The following RP1 variants were observed in gnomAD, a reference collection of about 807,000 sequenced individuals.
RP1 encodes the protein oxygen-regulated protein 1.
In RP1, 16 loss-of-function variants were observed where a neutral mutation model predicts 14.8. That is an observed-to-expected ratio of 1.08 (90% CI 0.73 to 1.65). The LOEUF (loss-of-function observed/expected upper bound fraction) is 1.65, where lower values mean the gene tolerates loss of function less well. RP1 is among the 40% of genes most tolerant of loss of function. The pLI is 0.00. For missense variants in RP1, 2,631 were observed against 2,535.0 expected (o/e 1.04, Z -0.81); for synonymous variants, 876 against 883.6 (o/e 0.99, Z 0.15).
At chr8:54,783,056 G>C (rs1399496800) in intron 23 of RP1, among the ~76,000 whole-genome samples, 1 of 152,126 alleles carries the variant, frequency 6.6e-6, no homozygotes, top group Non-Finnish European at 1.5e-5. Context: ...TCATGAGAAA[G>C]AAAGTTCTTT....
At chr8:54,667,995 A>G (rs1807056049) in intron 7 of RP1, among the ~76,000 whole-genome samples, 1 of 152,194 alleles carries the variant, frequency 6.6e-6, no homozygotes, top group South Asian at 2.1e-4. Context: ...TTATGAGGCC[A>G]GCGTCATCCT....
chr8:54,628,936 A>G lies in RP1; in HGVS notation c.5054A>G (p.Gln1685Arg), dbSNP rs1276912515. 2 of 1,614,100 alleles carry G rather than the reference A, an allele frequency of 1.2e-6. No homozygotes were observed. Among genetic ancestry groups the G allele is most frequent in the Admixed American group, 3.3e-5 (2 of 60,022 alleles). Residue 1685 changes from glutamine to arginine, a missense_variant, in exon 4 of 4, where the codon CAG becomes CGG. By Grantham distance (43) the Gln-to-Arg change is conservative. Transcript: ENST00000220676. ...GGGCAGTCATTTGGCTCTTCTGAACAGGTATCTAGTAGTTCATCTATGTTG... is the reference window on the plus strand; with the variant it reads ...GGGCAGTCATTTGGCTCTTCTGAACGGGTATCTAGTAGTTCATCTATGTTG... ...SEGQSFGSSE[Q>R]VSSSSSMLQE...
chr8:54,711,989 G>T (rs369253821), intron 15 of RP1, among the ~76,000 whole-genome samples: 1 of 152,164 alleles, frequency 6.6e-6, no homozygotes, highest in Non-Finnish European at 1.5e-5. Flanking sequence ...TGATCTAATG[G>T]TAATGAACTG....
chr8:54,642,398 C>G lies in RP1; in HGVS notation c.788-6587C>G, dbSNP rs561064491. 1.1e-4 allele frequency among the ~76,000 whole-genome samples: 17 copies of G among 152,166 alleles called. No individual in the cohort carries two copies. The South Asian group carries it at 1.5e-3, about 13-fold the overall frequency. ...GCAGGTATTAAATAAACAATGTCTT[C>G]CTTCTCCCATCTCCAACTTCTAAAC... On this transcript the variant is annotated intron_variant, in intron 3 of 22. Coordinates refer to the RP1 transcript ENST00000636932.
intron 23 of RP1, among the ~76,000 whole-genome samples, chr8:54,779,974 C>T (rs1410591917): frequency 2.0e-5 from 3 of 150,946 alleles, no homozygotes; most frequent in Non-Finnish European, 4.4e-5. Flanking sequence ...ATTATCTTTA[C>T]CTTTCAGTGG....
chr8:54,722,464 G>T (rs887368283), intron 16 of RP1, among the ~76,000 whole-genome samples: 7 of 151,940 alleles, frequency 4.6e-5, no homozygotes, highest in Non-Finnish European at 7.4e-5. Context: ...TACAGACGGG[G>T]TTTCACCGTG....
downstream of RP1, among the ~76,000 whole-genome samples, chr8:54,772,761 T>C (rs1809940012): frequency 6.6e-6 from 1 of 152,154 alleles, no homozygotes; most frequent in Non-Finnish European, 1.5e-5. Context: ...GAGGGACTGA[T>C]TTTCACTGCC....
intron 1 of RP1, among the ~76,000 whole-genome samples, chr8:54,601,028 T>C (rs1350275909): frequency 1.3e-5 from 2 of 152,164 alleles, no homozygotes; most frequent in Admixed American, 6.5e-5. Flanking sequence ...GTGAGAGGAA[T>C]AGGGAGACGT....
chr8:54,859,575 T>C (rs1364431252), intron 27 of RP1, among the ~76,000 whole-genome samples: 3 of 150,954 alleles, frequency 2.0e-5, no homozygotes, highest in Non-Finnish European at 3.0e-5. Flanking sequence ...CACTGTAGGG[T>C]AGTGTCACTG....
intron 1 of RP1, among the ~76,000 whole-genome samples, chr8:54,581,620 T>C (rs1342067465): frequency 1.2e-4 from 19 of 152,266 alleles, no homozygotes; most frequent in Non-Finnish European, 4.4e-5. Context: ...ACAGTCCCAG[T>C]AACAGTGTAA....
At chr8:54,793,282 T>C (rs1032973157) in intron 24 of RP1, among the ~76,000 whole-genome samples, 1 of 151,830 alleles carries the variant, frequency 6.6e-6, no homozygotes, top group Non-Finnish European at 1.5e-5. Context: ...CATCTCAAAC[T>C]CTTCTAAAAA....
chr8:54,767,487 G>A (rs1809789841), intron 22 of RP1, among the ~76,000 whole-genome samples: 1 of 151,920 alleles, frequency 6.6e-6, no homozygotes, highest in Non-Finnish European at 1.5e-5. Flanking sequence ...AGCCTCCTGA[G>A]TAGCTGTGAT....
Position 54,852,627 on chromosome 8 carries a change from G to A in RP1, c.3889G>A (p.Glu1297Lys). The change falls in exon 26 of 29, where the codon GAG becomes AAG. Residue 1297 changes from glutamate (E) to lysine (K), a missense_variant. Glu to Lys is a moderately conservative substitution (Grantham distance 56). Transcript: ENST00000637698. ...AGGCACAATGACAGGTGCAGAAACAGAGTCTAATGTATTTATCAACCTCAT... is the reference window on the plus strand; with the variant it reads ...AGGCACAATGACAGGTGCAGAAACAAAGTCTAATGTATTTATCAACCTCAT... 2.4e-6 allele frequency: 3 copies of A among 1,232,002 alleles called. No individual in the cohort carries two copies. In the South Asian group the frequency reaches 1.2e-4, roughly 51 times the overall value. The allele number at this position is 1,232,002 out of a possible 1,614,324, so 76.3% of individuals were successfully genotyped here.
chr8:54,729,672 A>T (rs1202016109), intron 17 of RP1, among the ~76,000 whole-genome samples: 1 of 152,134 alleles, frequency 6.6e-6, no homozygotes, highest in Non-Finnish European at 1.5e-5. Flanking sequence ...TATATTAAAT[A>T]TATCATTTTG....
intron 26 of RP1, among the ~76,000 whole-genome samples, chr8:54,855,752 T>G (rs1442667267): frequency 1.3e-5 from 2 of 152,164 alleles, no homozygotes; most frequent in Non-Finnish European, 2.9e-5. Context: ...TACCCAGCCT[T>G]ATTAATAATC....
At chr8:54,762,133 A>G (rs554615999) in intron 22 of RP1, among the ~76,000 whole-genome samples, 2 of 152,248 alleles carry the variant, frequency 1.3e-5, no homozygotes, top group East Asian at 3.9e-4. Context: ...CACTGTGGCT[A>G]GTTAGTTCTG....
intron 25 of RP1, among the ~76,000 whole-genome samples, chr8:54,844,253 G>C (rs1811861751): frequency 6.6e-6 from 1 of 152,158 alleles, no homozygotes; most frequent in South Asian, 2.1e-4. Context: ...TGAGGACCTA[G>C]ATAAATATTT....
chr8:54,652,437 T>C (rs1386001559), intron 4 of RP1, among the ~76,000 whole-genome samples: 5 of 152,130 alleles, frequency 3.3e-5, no homozygotes, highest in African/African-American at 1.2e-4. Context: ...GGAAAGACTG[T>C]TTTCTGTTGT....
In RP1 at chr8:54,582,840, C is replaced by T. The variant is rs557245368; in HGVS notation, c.-13+23520C>T. Among the ~76,000 whole-genome samples, 284 of 152,252 alleles carry T rather than the reference C, an allele frequency of 1.9e-3. 1 individual carries two copies. The highest frequency in any genetic ancestry group is 6.6e-3 in the African/African-American group (276 of 41,552). Reference sequence around the variant, plus strand: ...TATAGGAATGCTTGTGATTTTTGCACATTGATTTTGTATCCTGAGACTTTG... The same window carrying T: ...TATAGGAATGCTTGTGATTTTTGCATATTGATTTTGTATCCTGAGACTTTG... On this transcript the variant is annotated intron_variant, in intron 1 of 22. Coordinates refer to the RP1 transcript ENST00000636932.
Sources: allele counts gnomAD v4.1 joint callset (sites outside exome capture counted in the v4.1 genomes callset), GRCh38; gene constraint gnomAD v4.1.1; transcripts MANE v1.5; gene names NCBI Gene and HGNC (gene_info 2026-07-23, HGNC 2026-07-21).